SCP2: variants seen among roughly 807,000 people sequenced by gnomAD.
The protein encoded by SCP2 is SCP-2/3-oxoacyl-CoA thiolase.
A neutral mutation model predicts 71.4 loss-of-function variants in SCP2; 48 were observed. That is an observed-to-expected ratio of 0.67 (90% CI 0.53 to 0.86). The LOEUF (loss-of-function observed/expected upper bound fraction) is 0.86. SCP2 is among the 40% of genes least tolerant of loss of function. SCP2 has a pLI of 0.00. For synonymous variants in SCP2, 220 were observed against 218.1 expected, an observed-to-expected ratio of 1.01 and a Z score of -0.08; for missense variants, 560 against 655.6, an observed-to-expected ratio of 0.85 and a Z score of 1.59.
At chr1:52,933,064 T>C (rs987401712) in intron 1 of SCP2, among the ~76,000 whole-genome samples, 1 of 152,216 alleles carries the variant, frequency 6.6e-6, no homozygotes, top group Non-Finnish European at 1.5e-5. Context: ...ATTGTGATCT[T>C]AAAATATCTT....
intron 1 of SCP2, among the ~76,000 whole-genome samples, chr1:52,937,750 C>T (rs1429787202): frequency 6.6e-6 from 1 of 152,188 alleles, no homozygotes; most frequent in Admixed American, 6.5e-5. Flanking sequence ...CCAGCAAGCC[C>T]ACAAAGTGGG....
intron 13 of SCP2, among the ~76,000 whole-genome samples, chr1:53,037,929 C>CACAG (rs1557627796): frequency 8.3e-6 from 1 of 120,862 alleles, no homozygotes; most frequent in Non-Finnish European, 1.8e-5. Context: ...CACACACACA[C>CACAG]AGATCCAGAT....
At chr1:52,944,240 C>T (rs1012822085) in intron 2 of SCP2, among the ~76,000 whole-genome samples, 3 of 152,162 alleles carry the variant, frequency 2.0e-5, no homozygotes, top group African/African-American at 7.2e-5. Flanking sequence ...GTGTTTATTC[C>T]TTAGATGTTC....
At chr1:52,957,034 C>A (rs1416676540) in intron 5 of SCP2, among the ~76,000 whole-genome samples, 1 of 151,660 alleles carries the variant, frequency 6.6e-6, no homozygotes, top group African/African-American at 2.4e-5. Flanking sequence ...CTCAGCCTCC[C>A]GAGTAGCTGG....
chr1:53,006,386 C>T (rs908498733), intron 11 of SCP2, among the ~76,000 whole-genome samples: 5 of 152,098 alleles, frequency 3.3e-5, no homozygotes, highest in Non-Finnish European at 7.4e-5. Context: ...AGAGAAAGGT[C>T]GGGTTACCCA....
chr1:52,941,832 C>G lies in SCP2; in HGVS notation c.106C>G (p.Pro36Ala), dbSNP rs1007960696. ...KPGAENSRDY[P>A]DLAEEAGKKA... ...TGGAGCTGAGAATTCAAGAGACTAC[C>G]CTGACTTGGCAGAAGAAGCAGGTAA... The change falls in exon 2 of 16, where the codon CCT (proline) becomes GCT (alanine). Residue 36 changes from proline to alanine, a missense_variant. By Grantham distance (27) the Pro-to-Ala change is conservative. Around this residue, in one of 3 missense-constraint regions of SCP2, gnomAD observed 513 missense variants for 573.1 expected, o/e 0.90. Transcript: ENST00000371514. 25 of 1,606,996 alleles carry G rather than the reference C, an allele frequency of 1.6e-5. No homozygotes were observed. The highest frequency in any genetic ancestry group is 2.0e-5 in the Non-Finnish European group (24 of 1,173,692).
chr1:52,967,754 G>T (rs1434368096), intron 6 of SCP2, among the ~76,000 whole-genome samples: 1 of 152,208 alleles, frequency 6.6e-6, no homozygotes, highest in Non-Finnish European at 1.5e-5. Context: ...GGTAGAAAGA[G>T]CAGGGAGGCA....
At position 52,978,359 on chromosome 1, in the gene SCP2, A is replaced by AT; in HGVS notation, c.819dup (p.Lys274Ter). 5 of 1,613,232 alleles carry AT rather than the reference A, an allele frequency of 3.1e-6. No homozygotes were observed. Among genetic ancestry groups the AT allele is most frequent in the Non-Finnish European group, 3.4e-6 (4 of 1,179,184 alleles). ...AAGCTCGTTTGAAGAAAAAAGCATT[A>AT]TTAAAATGGTATGTCTGAGATTCTA... is the stretch of plus-strand genomic sequence containing the variant. On this transcript the variant is annotated frameshift_variant, in exon 9 of 16. Coordinates refer to ENST00000371514, the MANE Select transcript of SCP2 (RefSeq NM_002979.5). LOFTEE classifies it high-confidence loss of function.
rs117985610 is a variant in SCP2, at chr1:52,951,281, C to T, written c.331+395C>T. Among the ~76,000 whole-genome samples the T allele has an allele frequency of 1.6e-3, 240 of 151,134 alleles. 2 individuals are homozygous for T. In the East Asian group the frequency reaches 0.022, roughly 14 times the overall value. On this transcript the variant is annotated intron_variant, in intron 4 of 15. Coordinates refer to ENST00000371514, the MANE Select transcript of SCP2 (RefSeq NM_002979.5). ...TGGGTGATAGAGCCAGACCTTGTCT[C>T]AAAAAAGCCCCCCAAAAAACAAAAA...
At chr1:52,928,229 G>C (rs914205099) in intron 1 of SCP2, among the ~76,000 whole-genome samples, 1 of 152,192 alleles carries the variant, frequency 6.6e-6, no homozygotes, top group African/African-American at 2.4e-5. Context: ...CGGCAGTACC[G>C]GGCAGTACTA....
rs142118908 is a variant in SCP2, at chr1:52,984,065, G to A, written c.973+3522G>A. ...CAGAGTAAGCCTGAGACTTGTACAGGTCTATACACAGAATTAGGGGATCCT... is the reference window on the plus strand; with the variant it reads ...CAGAGTAAGCCTGAGACTTGTACAGATCTATACACAGAATTAGGGGATCCT... On this transcript the variant is annotated intron_variant, in intron 10 of 15. Coordinates refer to ENST00000371514, the MANE Select transcript of SCP2 (RefSeq NM_002979.5). 6.3e-3 allele frequency among the ~76,000 whole-genome samples: 955 copies of A among 152,248 alleles called. 15 individuals are homozygous for A. The highest frequency in any genetic ancestry group is 0.022 in the African/African-American group (918 of 41,542).
chr1:52,987,971 A>T lies in SCP2; in HGVS notation c.974-58A>T. 1.2e-5 allele frequency: 11 copies of T among 901,094 alleles called. No individual in the cohort carries two copies. The South Asian group carries it at 1.5e-4, about 12-fold the overall frequency. 55.8% of individuals were successfully genotyped at this position (901,094 alleles called of 1,614,324 possible). ...GGCTATATGGAAATCTTATAAAAGCATATCATTTGTTCTATTGTTACTATT... is the reference window on the plus strand; with the variant it reads ...GGCTATATGGAAATCTTATAAAAGCTTATCATTTGTTCTATTGTTACTATT... On this transcript the variant is annotated intron_variant, in intron 10 of 15. Transcript: ENST00000371514.
chr1:52,993,517 T>A (rs767148222), intron 11 of SCP2: 801 of 1,612,420 alleles, frequency 5.0e-4, no homozygotes, highest in Non-Finnish European at 6.0e-4. Flanking sequence ...CAAAACTGCC[T>A]CTATCTGTGA....
chr1:52,971,659 A>G lies in SCP2; in HGVS notation c.524-3110A>G, dbSNP rs1257097945. ...CCTATAGAAATATGATTGGACAAAA[A>G]GCATATGATCTAATGCTAATAGACT... On this transcript the variant is annotated intron_variant, in intron 6 of 15. Coordinates refer to ENST00000371514, the MANE Select transcript of SCP2 (RefSeq NM_002979.5). Among the ~76,000 whole-genome samples, 3 of 152,374 alleles carry G rather than the reference A, an allele frequency of 2.0e-5. 1 individual carries two copies. The highest frequency in any genetic ancestry group is 6.8e-3 in the Middle Eastern group (2 of 294).
intron 14 of SCP2, among the ~76,000 whole-genome samples, chr1:53,046,658 CCTCT>C (rs533418660): frequency 1.8e-4 from 28 of 152,196 alleles, no homozygotes; most frequent in African/African-American, 2.4e-4. Flanking sequence ...TCTTCTCCTC[CCTCT>C]GTCTGCCACC....
intron 13 of SCP2, among the ~76,000 whole-genome samples, chr1:53,030,908 TAAAAAA>T (rs59298380): frequency 1.3e-5 from 1 of 75,932 alleles, no homozygotes; most frequent in African/African-American, 3.3e-5. Flanking sequence ...TCAAAAAAAT[TAAAAAA>T]AAAAAAAAAA....
At chr1:53,034,296 TGATC>T (rs1317807531) in intron 13 of SCP2, among the ~76,000 whole-genome samples, 2 of 151,724 alleles carry the variant, frequency 1.3e-5, no homozygotes, top group African/African-American at 4.8e-5. Flanking sequence ...ATTGAAAGAC[TGATC>T]GATGTATGCA....
At chr1:52,960,180 C>A (rs759976857) in intron 5 of SCP2, among the ~76,000 whole-genome samples, 1 of 152,060 alleles carries the variant, frequency 6.6e-6, no homozygotes, top group Non-Finnish European at 1.5e-5. Context: ...TGAGCCATGG[C>A]GCCTGGCCTA....
At chr1:52,979,036 T>C (rs1658231861) in intron 9 of SCP2, among the ~76,000 whole-genome samples, 1 of 152,232 alleles carries the variant, frequency 6.6e-6, no homozygotes, top group Admixed American at 6.5e-5. Context: ...AGTTTACAAA[T>C]GATTTTACAA....
Sources: gnomAD v4.1 joint callset for allele counts (sites outside exome capture counted in the v4.1 genomes callset) on GRCh38, gnomAD v4.1.1 for gene constraint, gnomAD v4.1.1 regional missense constraint, MANE v1.5 for transcripts, NCBI Gene and HGNC (gene_info 2026-07-23, HGNC 2026-07-21) for gene names.